The following NBEAL2 variants were observed in gnomAD, a reference collection of about 807,000 sequenced individuals.
NBEAL2 encodes the protein neurobeachin like 2.
Under a neutral mutation model 299.8 loss-of-function variants are expected in NBEAL2, and 160 were observed. That is an observed-to-expected ratio of 0.53 (90% CI 0.47 to 0.61). NBEAL2 has a LOEUF of 0.61. Among genes scored for constraint, NBEAL2 ranks in the 20% least tolerant of loss-of-function variants. The probability of loss-of-function intolerance (pLI) is 0.00; values close to 1 mark genes in which losing one functional copy is unlikely to be tolerated. For missense variants in NBEAL2, 3,112 were observed against 3,649.0 expected (o/e 0.85, Z 3.79); for synonymous variants, 1,493 against 1,542.3 (o/e 0.97, Z 0.75).
chr3:47,001,113 T>C lies in NBEAL2; in HGVS notation c.4418T>C (p.Phe1473Ser). Residue 1473 changes from phenylalanine to serine, a missense_variant, in exon 28 of 54, where the codon TTC becomes TCC. Around this residue, in one of 3 missense-constraint regions of NBEAL2, gnomAD observed 2,243 missense variants for 2,538.1 expected, o/e 0.88. Transcript: ENST00000450053. The surrounding 1 kb of genome is among the most constrained non-coding windows in gnomAD (Gnocchi z 6.1). ...EAAWRERGQV[F>S]SVLTQLGASA... ...GCCTGGCGGGAGCGTGGCCAGGTTTTCTCAGTGCTCACCCAGCTGGGGGCC... is the reference window on the plus strand; with the variant it reads ...GCCTGGCGGGAGCGTGGCCAGGTTTCCTCAGTGCTCACCCAGCTGGGGGCC... 6.2e-7 allele frequency: 1 copy of C among 1,612,470 alleles called. No individual in the cohort carries two copies. Among genetic ancestry groups the C allele is most frequent in the Non-Finnish European group, 8.5e-7 (1 of 1,179,474 alleles).
At position 46,989,479 on chromosome 3, in the gene NBEAL2, C is replaced by T. The variant is rs776472001; in HGVS notation, c.474-32C>T. Reference sequence around the variant, plus strand: ...GGTGACGGCCAGGAGTGGTGAGAGCCGGGCTGATGTACTTGGCCTCACTGC... The same window carrying T: ...GGTGACGGCCAGGAGTGGTGAGAGCTGGGCTGATGTACTTGGCCTCACTGC... On this transcript the variant is annotated intron_variant, in intron 5 of 53. Transcript: ENST00000450053. The surrounding 1 kb of genome is among the most constrained non-coding windows in gnomAD (Gnocchi z 5.5). 3.2e-6 allele frequency: 5 copies of T among 1,572,374 alleles called. No individual in the cohort carries two copies. Among genetic ancestry groups the T allele is most frequent in the Admixed American group, 3.7e-5 (2 of 53,644 alleles).
At chr3:46,994,665 ATACTGT>A in intron 12 of NBEAL2, 112 bp downstream of exon 12, 1 of 915,326 alleles carries the variant, frequency 1.1e-6, no homozygotes, top group South Asian at 1.6e-5. Context: ...CGGCCAGTAC[ATACTGT>A]TACCTGTAGC....
In NBEAL2 at chr3:47,005,046, T is replaced by C; in HGVS notation, c.6369T>C (p.Ser2123=). 1 of 1,613,586 alleles carries C rather than the reference T, an allele frequency of 6.2e-7. No individual in the cohort carries two copies. The highest frequency in any genetic ancestry group is 8.5e-7 in the Non-Finnish European group (1 of 1,179,786). Residue 2123 remains serine (S), a synonymous_variant, in exon 39 of 54, where the codon TCT becomes TCC. Transcript: ENST00000450053. ...LSNPAVFRDL[S]KPIGVVNPKH... ...ACCCAGCCGTCTTCCGGGACCTGTCTAAGCCCATCGGTGTGGTGAACCCCA... is the reference window on the plus strand; with the variant it reads ...ACCCAGCCGTCTTCCGGGACCTGTCCAAGCCCATCGGTGTGGTGAACCCCA...
rs1160677938 is a variant in NBEAL2 at position 47,002,767 on chromosome 3, C to T, written c.5424C>T (p.Arg1808=). The change falls in exon 33 of 54, where the codon CGC becomes CGT. Residue 1808 remains arginine (R), a synonymous_variant. Coordinates refer to ENST00000450053, the MANE Select transcript of NBEAL2 (RefSeq NM_015175.3). ...MALLHWGALW[R]QLASPCGAWA... is the part of the protein sequence containing the mutation. ...TGCTGCACTGGGGGGCGCTGTGGCG[C>T]CAGCTCGCCAGCCCATGTGGGGCCT... 15 of 1,565,374 alleles carry T rather than the reference C, an allele frequency of 9.6e-6. No homozygotes were observed. Among genetic ancestry groups the T allele is most frequent in the African/African-American group, 1.3e-5 (1 of 74,174 alleles).
rs373701768 is a variant in NBEAL2 at position 47,004,516 on chromosome 3, T to C, written c.6220T>C (p.Ser2074Pro). The change falls in exon 38 of 54, where the codon TCC (serine) becomes CCC (proline). Residue 2074 changes from serine (S) to proline (P), a missense_variant. By Grantham distance (74) the Ser-to-Pro change is moderately conservative (BLOSUM62 -1). Transcript: ENST00000450053. The surrounding 1 kb of genome is among the most constrained non-coding windows in gnomAD (Gnocchi z 5.0). ...LTQKWVQREISNFEYLMQLNT... is the reference protein window; with the variant it reads ...LTQKWVQREIPNFEYLMQLNT... ...CCAGAAATGGGTACAGCGTGAGATA[T>C]CCAACTTCGAGTACTTGATGCAACT... The C allele has an allele frequency of 8.1e-6, 13 of 1,613,628 alleles. No homozygotes were observed. The highest frequency in any genetic ancestry group is 3.3e-5 in the South Asian group (3 of 91,092).
Position 46,994,521 on chromosome 3 carries a change from A to G in NBEAL2, c.1264A>G (p.Thr422Ala). The G allele has an allele frequency of 1.3e-6, 2 of 1,590,900 alleles. No homozygotes were observed. The highest frequency in any genetic ancestry group is 2.3e-5 in the East Asian group (1 of 44,172). ...GGTTCTGCAGAGCCATGGTCCCCCC[A>G]CCCATCGGCTGTTGCAAGAGCTGCT... ...QEVLQSHGPP[T>A]HRLLQELLNM... The change falls in exon 12 of 54, where the codon ACC (threonine) becomes GCC (alanine). Residue 422 changes from threonine (T) to alanine (A), a missense_variant. Thr to Ala is a moderately conservative substitution (Grantham distance 58). Coordinates refer to ENST00000450053, the MANE Select transcript of NBEAL2 (RefSeq NM_015175.3).
rs1559576558 is a variant in NBEAL2, at chr3:46,982,341, T to C, written c.51+2429T>C. 6.6e-6 allele frequency among the ~76,000 whole-genome samples: 1 copy of C among 152,124 alleles called. No individual in the cohort carries two copies. The highest frequency in any genetic ancestry group is 6.5e-5 in the Admixed American group (1 of 15,284). On this transcript the variant is annotated intron_variant, in intron 1 of 53. Coordinates refer to ENST00000450053, the MANE Select transcript of NBEAL2 (RefSeq NM_015175.3). The surrounding 1 kb of genome is among the most constrained non-coding windows in gnomAD (Gnocchi z 4.2). ...GAGAGCTGACATCAGCTGGCAAACCTGTTTCCCCAGTTGTGGGTCTGGGTG... is the reference window on the plus strand; with the variant it reads ...GAGAGCTGACATCAGCTGGCAAACCCGTTTCCCCAGTTGTGGGTCTGGGTG...
At chr3:46,996,695 G>C in intron 16 of NBEAL2, 56 bp from the exon 17 acceptor site, 1 of 1,578,422 alleles carries the variant, frequency 6.3e-7, no homozygotes, top group Admixed American at 1.7e-5. Context: ...GGCAGTCTCT[G>C]GATGGGGTTT....
chr3:46,994,953 C>A, intron 12 of NBEAL2, 79 bp from the exon 13 acceptor site: 1 of 1,466,894 alleles, frequency 6.8e-7, no homozygotes, highest in Non-Finnish European at 9.1e-7. Flanking sequence ...CTGCCGTAGG[C>A]AAGTAAATGG....
chr3:46,980,736 G>C (rs1559574970), intron 1 of NBEAL2, among the ~76,000 whole-genome samples: 1 of 152,048 alleles, frequency 6.6e-6, no homozygotes, highest in Non-Finnish European at 1.5e-5. Context: ...CTGAGAACCT[G>C]GTATCACTCA....
At chr3:47,006,114 T>G in intron 43 of NBEAL2, 51 bp downstream of exon 43, 3 of 1,612,852 alleles carry the variant, frequency 1.9e-6, no homozygotes, top group Non-Finnish European at 2.5e-6. Context: ...TCAGGTCGGG[T>G]GGATGCAGAG....
In NBEAL2 at chr3:46,995,553, T is replaced by C. The variant is rs1250782153; in HGVS notation, c.1818T>C (p.His606=). The C allele has an allele frequency of 1.3e-5, 21 of 1,612,698 alleles. No individual in the cohort carries two copies. The highest frequency in any genetic ancestry group is 1.8e-5 in the Non-Finnish European group (21 of 1,179,886). The change falls in exon 13 of 54, where the codon CAT becomes CAC. Residue 606 remains histidine, a synonymous_variant. Transcript: ENST00000450053. The part of the protein sequence containing the change: ...QRWPGPGFTF[H]AWLCLHPMDT... The stretch of plus-strand genomic sequence containing the variant: ...GGCCAGGGCCTGGCTTCACCTTTCA[T>C]GCCTGGCTCTGTCTGCACCCTATGG...
chr3:47,004,724 G>C lies in NBEAL2; in HGVS notation c.6294+134G>C. On this transcript the variant is annotated intron_variant, in intron 38 of 53. Coordinates refer to ENST00000450053, the MANE Select transcript of NBEAL2 (RefSeq NM_015175.3). The surrounding 1 kb of genome is among the most constrained non-coding windows in gnomAD (Gnocchi z 5.0). ...GGGTAGATGTGCCAATGAAGACCTG[G>C]CCTCTGTTCCCTGCCAACCCCCAGA... The C allele has an allele frequency of 8.0e-6, 8 of 1,005,014 alleles. No individual in the cohort carries two copies. The highest frequency in any genetic ancestry group is 1.2e-5 in the Non-Finnish European group (8 of 657,358). 62.3% of individuals were successfully genotyped at this position (1,005,014 alleles called of 1,614,324 possible).
In NBEAL2 at chr3:46,989,020, A is replaced by T. The variant is rs1423607706; in HGVS notation, c.269+50A>T. 2 of 1,611,836 alleles carry T rather than the reference A, an allele frequency of 1.2e-6. No individual in the cohort carries two copies. Among genetic ancestry groups the T allele is most frequent in the Admixed American group, 1.7e-5 (1 of 59,562 alleles). On this transcript the variant is annotated intron_variant, in intron 3 of 53. Transcript: ENST00000450053. This position sits in a 1 kb window ranked among gnomAD's most constrained non-coding sequence, Gnocchi z 5.5. ...GCAGGGGCCTAGAACTGTGGGCCAG[A>T]GGGAGAGGGGACAAGGAGGGGCATG...
Position 46,997,799 on chromosome 3 carries a change from A to C in NBEAL2, c.2958+105A>C, listed in dbSNP as rs1575604609. 3.6e-6 allele frequency: 5 copies of C among 1,392,396 alleles called. No individual in the cohort carries two copies. The East Asian group carries it at 1.3e-4, about 35-fold the overall frequency. The allele number at this position is 1,392,396 out of a possible 1,614,324, so 86.3% of individuals were successfully genotyped here. A position where few individuals can be genotyped will look rare whatever the true frequency, so the allele number is the denominator to read the frequency against. ...TCAGTCATGAAGAACCTCCTGGGAG[A>C]GTTGCCACTTGAGTGGGGCCTGAAA... On this transcript the variant is annotated intron_variant, in intron 20 of 53. Coordinates refer to ENST00000450053, the MANE Select transcript of NBEAL2 (RefSeq NM_015175.3).
Position 46,995,237 on chromosome 3 carries a change from C to T in NBEAL2, c.1502C>T (p.Thr501Ile). ...QAGLVGCLLETLSTGLALEAR... is the reference protein window; with the variant it reads ...QAGLVGCLLEILSTGLALEAR... Reference sequence around the variant, plus strand: ...GGCCTGGTGGGCTGCCTGTTGGAGACACTCAGCACAGGGCTAGCCCTGGAG... The same window carrying T: ...GGCCTGGTGGGCTGCCTGTTGGAGATACTCAGCACAGGGCTAGCCCTGGAG... The change falls in exon 13 of 54, where the codon ACA becomes ATA. Residue 501 changes from threonine to isoleucine, a missense_variant. Physicochemically the swap from Thr to Ile is moderately conservative, Grantham distance 89. Transcript: ENST00000450053. 1 of 1,556,074 alleles carries T rather than the reference C, an allele frequency of 6.4e-7. No homozygotes were observed. The highest frequency in any genetic ancestry group is 8.7e-7 in the Non-Finnish European group (1 of 1,150,272).
rs1008871151 is a variant in NBEAL2 at position 47,005,517 on chromosome 3, T to A, written c.6589T>A (p.Ser2197Thr). 1.2e-6 allele frequency: 2 copies of A among 1,611,104 alleles called. No homozygotes were observed. The highest frequency in any genetic ancestry group is 2.7e-5 in the African/African-American group (2 of 74,858). The stretch of plus-strand genomic sequence containing the variant: ...TGACTGCTCCGACCGGCAGTTCCAC[T>A]CGGTGGCGGCAGCCTGGCAGGCACG... The part of the protein sequence containing the change: ...RFDCSDRQFH[S>T]VAAAWQARLE... Residue 2197 changes from serine (S) to threonine (T), a missense_variant, in exon 41 of 54, where the codon TCG (serine) becomes ACG (threonine). Transcript: ENST00000450053.
rs919209807 is a variant in NBEAL2 at position 46,999,735 on chromosome 3, G to A, written c.3789+20G>A. On this transcript the variant is annotated intron_variant, in intron 26 of 53. Transcript: ENST00000450053. ...CGCCAGGTGAGCATGAGAGGTAAAA[G>A]CTTTGGGGGAGGGGGAGGGTGGCTT... 22 of 1,609,526 alleles carry A rather than the reference G, an allele frequency of 1.4e-5. No individual in the cohort carries two copies. The highest frequency in any genetic ancestry group is 1.7e-5 in the Non-Finnish European group (20 of 1,177,890).
At position 47,002,702 on chromosome 3, in the gene NBEAL2, G is replaced by A; in HGVS notation, c.5359G>A (p.Ala1787Thr). 6.2e-7 allele frequency: 1 copy of A among 1,602,246 alleles called. No homozygotes were observed. Among genetic ancestry groups the A allele is most frequent in the Non-Finnish European group, 8.5e-7 (1 of 1,176,500 alleles). ...GCGCCTGGAGGGGCTACGCTACACG[G>A]CAGTGCTGAAGCAGCAGGCAACGCA... ...RARLEGLRYT[A>T]VLKQQATQHS... Residue 1787 changes from alanine to threonine, a missense_variant, in exon 33 of 54, where the codon GCA becomes ACA. This residue lies in a region of NBEAL2 where 2,243 missense variants were observed against 2,538.1 expected (regional missense o/e 0.88). Coordinates refer to ENST00000450053, the MANE Select transcript of NBEAL2 (RefSeq NM_015175.3).
Sources: allele counts gnomAD v4.1 joint callset (sites outside exome capture counted in the v4.1 genomes callset), GRCh38; gene constraint gnomAD v4.1.1; regional missense constraint gnomAD v4.1.1; non-coding constraint Gnocchi (gnomAD v3.1); transcripts MANE v1.5; gene names NCBI Gene and HGNC (gene_info 2026-07-23, HGNC 2026-07-21).